The following PDZD2 variants were observed in gnomAD, a reference collection of about 807,000 sequenced individuals.
The protein encoded by PDZD2 is PDZ domain-containing protein 2.
In PDZD2, 90 loss-of-function variants were observed where a neutral mutation model predicts 220.7. The ratio of observed to expected loss-of-function variants is 0.41; its 90% CI spans 0.34 to 0.49. The LOEUF is 0.49. Among genes scored for constraint, PDZD2 ranks in the 20% least tolerant of loss-of-function variants. The probability of loss-of-function intolerance (pLI) is 0.28; values close to 1 mark genes in which losing one functional copy is unlikely to be tolerated. For synonymous variants in PDZD2, 1,375 were observed against 1,450.5 expected (o/e 0.95, Z 1.18); for missense variants, 3,174 against 3,608.5 (o/e 0.88, Z 3.08).
chr5:32,021,881 C>T (rs561827279), intron 6 of PDZD2, among the ~76,000 whole-genome samples: 1 of 152,188 alleles, frequency 6.6e-6, no homozygotes, highest in South Asian at 2.1e-4. Context: ...ACTTACCCCT[C>T]CTCTTTAGCT....
intron 2 of PDZD2, chr5:31,840,349 T>C (rs986730879): frequency 1.4e-4 from 21 of 147,276 alleles, no homozygotes; most frequent in African/African-American, 5.2e-4. Flanking sequence ...GCAAATGCTA[T>C]TTATATCTCC....
Position 31,983,003 on chromosome 5 carries a change from T to G in PDZD2, c.477-152T>G, listed in dbSNP as rs1750419824. On this transcript the variant is annotated intron_variant, in intron 2 of 24. Coordinates refer to ENST00000438447, the MANE Select transcript of PDZD2 (RefSeq NM_178140.4). ...TCAATTATTACATAGATGAAAAGAA[T>G]GAATTGGGTGTTGAATCTCTTTAGG... The G allele has an allele frequency of 8.8e-6, 6 of 678,534 alleles. No individual in the cohort carries two copies. The South Asian group carries it at 1.0e-4, about 12-fold the overall frequency. The allele number at this position is 678,534 out of a possible 1,614,324, so 42.0% of individuals were successfully genotyped here. A position where few individuals can be genotyped will look rare whatever the true frequency, so the allele number is the denominator to read the frequency against.
chr5:32,067,909 G>A (rs1352155950), intron 14 of PDZD2, among the ~76,000 whole-genome samples: 1 of 152,144 alleles, frequency 6.6e-6, no homozygotes, highest in Non-Finnish European at 1.5e-5. Context: ...AGCAATAATA[G>A]TCAATGATGC....
chr5:31,914,865 G>C (rs1743542437), intron 2 of PDZD2, among the ~76,000 whole-genome samples: 1 of 152,174 alleles, frequency 6.6e-6, no homozygotes, highest in Admixed American at 6.5e-5. Flanking sequence ...AGCAGCCGCA[G>C]TAATTCTGAC....
chr5:31,882,361 C>G (rs567913690), intron 2 of PDZD2, among the ~76,000 whole-genome samples: 2 of 152,240 alleles, frequency 1.3e-5, no homozygotes, highest in South Asian at 4.2e-4. Flanking sequence ...CGAGGCTGCC[C>G]CATCTCTCCT....
chr5:32,009,585 G>A lies in PDZD2; in HGVS notation c.1255-745G>A, dbSNP rs574041692. Among the ~76,000 whole-genome samples, 6 of 151,954 alleles carry A rather than the reference G, an allele frequency of 3.9e-5. No homozygotes were observed. In the South Asian group the frequency reaches 1.0e-3, roughly 26 times the overall value. On this transcript the variant is annotated intron_variant, in intron 5 of 24. Coordinates refer to ENST00000438447, the MANE Select transcript of PDZD2 (RefSeq NM_178140.4). Reference sequence around the variant, plus strand: ...TCTACAAAATAAAAAATTTTAATTAGCCAGGCATGGTGGTGCATGCCCTGT... The same window carrying A: ...TCTACAAAATAAAAAATTTTAATTAACCAGGCATGGTGGTGCATGCCCTGT...
chr5:31,893,045 T>C (rs948229156), intron 2 of PDZD2, among the ~76,000 whole-genome samples: 5 of 152,192 alleles, frequency 3.3e-5, no homozygotes, highest in Admixed American at 1.3e-4. Context: ...TAAGCTTTTC[T>C]TTTTCCTGTC....
intron 1 of PDZD2, among the ~76,000 whole-genome samples, chr5:31,692,461 G>A (rs1034531227): frequency 1.3e-5 from 2 of 152,256 alleles, no homozygotes; most frequent in African/African-American, 4.8e-5. Context: ...CAAAGTGGGA[G>A]CCCAGGCAGA....
intron 2 of PDZD2, among the ~76,000 whole-genome samples, chr5:31,893,841 TG>T (rs1333235582): frequency 1.3e-5 from 2 of 152,000 alleles, no homozygotes; most frequent in Non-Finnish European, 2.9e-5. Flanking sequence ...CACATGAAGT[TG>T]TACAGAAATT....
At chr5:31,893,477 C>A (rs536024990) in intron 2 of PDZD2, among the ~76,000 whole-genome samples, 17 of 151,990 alleles carry the variant, frequency 1.1e-4, no homozygotes, top group Admixed American at 9.2e-4. Flanking sequence ...GGCTGAGGCA[C>A]GAGAATCACT....
At chr5:31,706,842 CAAAAAAA>C (rs60622267) in intron 1 of PDZD2, among the ~76,000 whole-genome samples, 102 of 128,932 alleles carry the variant, frequency 7.9e-4, no homozygotes, top group East Asian at 1.5e-3. Flanking sequence ...GATTCCATCT[CAAAAAAA>C]AAAAAAAAAA....
intron 21 of PDZD2, 32 bp downstream of exon 21, chr5:32,093,056 A>C (rs906528003): frequency 1.3e-5 from 15 of 1,175,828 alleles, no homozygotes; most frequent in Non-Finnish European, 1.9e-5. Context: ...CAGGAACATG[A>C]ATTGCGGCCG....
chr5:31,983,094 C>CTGCTG (rs1266735609), intron 2 of PDZD2, 61 bp from the exon 3 acceptor site: 1 of 1,538,638 alleles, frequency 6.5e-7, no homozygotes, highest in Non-Finnish European at 8.8e-7. Context: ...ACGCGTCTGT[C>CTGCTG]TGCTGTGCTG....
intron 4 of PDZD2, among the ~76,000 whole-genome samples, chr5:31,998,540 TAGAGACTGGAGACAAAC>T (rs1445714962): frequency 6.6e-6 from 1 of 152,146 alleles, no homozygotes; most frequent in African/African-American, 2.4e-5. Context: ...GGGGAGAGCC[TAGAGACTGGAGACAAAC>T]GGAGCTTCTG....
At position 31,875,405 on chromosome 5, in the gene PDZD2, G is replaced by A. The variant is rs185680880; in HGVS notation, c.476+75681G>A. Among the ~76,000 whole-genome samples, 69 of 151,920 alleles carry A rather than the reference G, an allele frequency of 4.5e-4. 1 individual carries two copies. The highest frequency in any genetic ancestry group is 1.3e-3 in the South Asian group (6 of 4,800). ...TCGAGACCAGCCTGGCCAACATGGC[G>A]AAACCCTGTCTCTACTAAAAATACA... On this transcript the variant is annotated intron_variant, in intron 2 of 24. Transcript: ENST00000438447.
At chr5:31,750,253 C>A (rs191367372) in intron 1 of PDZD2, among the ~76,000 whole-genome samples, 103 of 152,306 alleles carry the variant, frequency 6.8e-4, no homozygotes, top group African/African-American at 2.4e-3. Context: ...TTGATCTCCA[C>A]CACCAGTGGC....
intron 1 of PDZD2, among the ~76,000 whole-genome samples, chr5:31,780,790 TCTCA>T (rs773292164): frequency 1.3e-5 from 2 of 152,172 alleles, no homozygotes; most frequent in Non-Finnish European, 2.9e-5. Context: ...TCATTTTCCC[TCTCA>T]CTCTGTGATC....
At chr5:31,896,658 C>A (rs186881051) in intron 2 of PDZD2, among the ~76,000 whole-genome samples, 2 of 152,268 alleles carry the variant, frequency 1.3e-5, no homozygotes, top group Non-Finnish European at 2.9e-5. Context: ...GTGTGTGTTA[C>A]AATAATCTTA....
At chr5:31,989,858 AG>A (rs1751073618) in intron 3 of PDZD2, among the ~76,000 whole-genome samples, 1 of 152,058 alleles carries the variant, frequency 6.6e-6, no homozygotes, top group Non-Finnish European at 1.5e-5. Context: ...AGTGCCTTGT[AG>A]GTATTTATTA....
Sources: gnomAD v4.1 joint callset for allele counts (sites outside exome capture counted in the v4.1 genomes callset) on GRCh38, gnomAD v4.1.1 for gene constraint, MANE v1.5 for transcripts, NCBI Gene and HGNC (gene_info 2026-07-23, HGNC 2026-07-21) for gene names.